The following THRAP3 variants were observed in gnomAD, a reference collection of about 807,000 sequenced individuals.
The protein encoded by THRAP3 is thyroid hormone receptor associated protein 3, also known as thyroid hormone receptor-associated protein 3.
THRAP3 carries 16 observed loss-of-function variants against 101.0 expected under a neutral mutation model. That is an observed-to-expected ratio of 0.16 (90% CI 0.11 to 0.24). The LOEUF (loss-of-function observed/expected upper bound fraction) is 0.24, where lower values mean the gene tolerates loss of function less well. Among genes scored for constraint, THRAP3 ranks in the 10% least tolerant of loss-of-function variants. The pLI is 1.00. For synonymous variants in THRAP3, 407 were observed against 422.6 expected (o/e 0.96, Z 0.45); for missense variants, 989 against 1,202.7 (o/e 0.82, Z 2.63).
At chr1:36,256,868 T>C (rs1645382709) in intron 1 of THRAP3, among the ~76,000 whole-genome samples, 1 of 151,956 alleles carries the variant, frequency 6.6e-6, no homozygotes, top group Admixed American at 6.6e-5. Context: ...CGATCTCGGC[T>C]CACCACAACC....
chr1:36,221,438 G>A (rs1323191071), upstream of THRAP3, among the ~76,000 whole-genome samples: 1 of 151,972 alleles, frequency 6.6e-6, no homozygotes, highest in Non-Finnish European at 1.5e-5. Flanking sequence ...AGAGTAAATG[G>A]ATGGGGCAAA....
At chr1:36,228,087 C>T (rs1248943926) in intron 1 of THRAP3, among the ~76,000 whole-genome samples, 2 of 146,480 alleles carry the variant, frequency 1.4e-5, no homozygotes, top group Non-Finnish European at 3.0e-5. Context: ...TCCTCTGTTG[C>T]CCAGGCTGGA....
chr1:36,244,903 G>A (rs1473786313), intron 1 of THRAP3, among the ~76,000 whole-genome samples: 1 of 152,014 alleles, frequency 6.6e-6, no homozygotes, highest in Non-Finnish European at 1.5e-5. Flanking sequence ...TGTATTTTTA[G>A]TAGAGACGGG....
At position 36,296,882 on chromosome 1, in the gene THRAP3, A is replaced by G. The variant is rs1195292163; in HGVS notation, c.2303+112A>G. The G allele has an allele frequency of 8.9e-6, 7 of 790,052 alleles. No individual in the cohort carries two copies. The East Asian group carries it at 2.1e-4, about 24-fold the overall frequency. 48.9% of individuals were successfully genotyped at this position (790,052 alleles called of 1,614,324 possible). A position where few individuals can be genotyped will look rare whatever the true frequency, so the allele number is the denominator to read the frequency against. On this transcript the variant is annotated intron_variant, in intron 9 of 11. Coordinates refer to ENST00000354618, the MANE Select transcript of THRAP3 (RefSeq NM_005119.4). Reference sequence around the variant, plus strand: ...GAGTTTAGGGTTAGTAATTATAGCAACCTGTTTCTTCTTTTAATCCATGTA... The same window carrying G: ...GAGTTTAGGGTTAGTAATTATAGCAGCCTGTTTCTTCTTTTAATCCATGTA...
rs189637160 is a variant in THRAP3, at chr1:36,263,086, A to C, written c.-32+3602A>C. Among the ~76,000 whole-genome samples, 281 of 145,582 alleles carry C rather than the reference A, an allele frequency of 1.9e-3. 12 individuals are homozygous for C. The East Asian group carries it at 0.049, about 25-fold the overall frequency. ...TGGCCTCCCAAAGTGTTGGGATTAC[A>C]GGCGTGAGCCACTGCACCCGGCCTA... On this transcript the variant is annotated intron_variant, in intron 2 of 11. Transcript: ENST00000354618.
chr1:36,297,635 G>T (rs903724105), intron 9 of THRAP3, among the ~76,000 whole-genome samples: 1 of 151,338 alleles, frequency 6.6e-6, no homozygotes, highest in African/African-American at 2.4e-5. Flanking sequence ...TTTAGAGATG[G>T]AGTTTCACCA....
chr1:36,257,520 G>GT (rs1387285456), intron 1 of THRAP3, among the ~76,000 whole-genome samples: 6 of 152,196 alleles, frequency 3.9e-5, no homozygotes, highest in African/African-American at 1.4e-4. Flanking sequence ...AGGCTGACAA[G>GT]TATGCCTGTG....
chr1:36,231,626 A>C (rs937750034), intron 1 of THRAP3, among the ~76,000 whole-genome samples: 2 of 142,892 alleles, frequency 1.4e-5, no homozygotes, highest in African/African-American at 6.1e-5. Context: ...GAGGTTAACA[A>C]CTCAATTTCC....
At chr1:36,211,649 G>A in the THRAP3 span, among the ~76,000 whole-genome samples, 1 of 152,166 alleles carries the variant, frequency 6.6e-6, no homozygotes. Flanking sequence ...ACTGGTGAGG[G>A]AGTAACCATT....
chr1:36,291,265 AAAG>A lies in THRAP3; in HGVS notation c.1746-105_1746-103del, dbSNP rs780407475. 282 of 1,188,944 alleles carry A rather than the reference AAAG, an allele frequency of 2.4e-4. No individual in the cohort carries two copies. In the East Asian group the frequency reaches 4.8e-3, roughly 20 times the overall value. 73.6% of individuals were successfully genotyped at this position (1,188,944 alleles called of 1,614,324 possible). On this transcript the variant is annotated intron_variant, in intron 5 of 11. Transcript: ENST00000354618. Reference sequence around the variant, plus strand: ...GTTACTTTCAACTTCGGTAGGAAGAAAAGAAGTTTATAGATAGATTTAAAACTC... The same window carrying A: ...GTTACTTTCAACTTCGGTAGGAAGAAAAGTTTATAGATAGATTTAAAACTC...
At chr1:36,217,838 C>T in the THRAP3 span, among the ~76,000 whole-genome samples, 1 of 152,146 alleles carries the variant, frequency 6.6e-6, no homozygotes, top group Admixed American at 6.6e-5. Flanking sequence ...TTCCCTGTTT[C>T]TCTCCTTCTC....
chr1:36,251,812 A>G (rs1188354798), intron 1 of THRAP3, among the ~76,000 whole-genome samples: 2 of 152,238 alleles, frequency 1.3e-5, no homozygotes, highest in African/African-American at 2.4e-5. Context: ...TCGGTGTTCA[A>G]CAACACTGTG....
chr1:36,223,087 A>G (rs2124303815), upstream of THRAP3, among the ~76,000 whole-genome samples: 1 of 152,324 alleles, frequency 6.6e-6, no homozygotes, highest in South Asian at 2.1e-4. Flanking sequence ...AAATCGCACC[A>G]CTGCCCTCCA....
intron 4 of THRAP3, chr1:36,287,627 C>T: frequency 1.0e-6 from 1 of 985,378 alleles, no homozygotes; most frequent in Non-Finnish European, 1.2e-6. Flanking sequence ...GCCATTGGAG[C>T]TCTTAGACCC....
chr1:36,247,794 C>T (rs1645248667), intron 1 of THRAP3, among the ~76,000 whole-genome samples: 1 of 151,606 alleles, frequency 6.6e-6, no homozygotes, highest in Non-Finnish European at 1.5e-5. Context: ...TTATTATTTA[C>T]TGCACTTACC....
Position 36,291,553 on chromosome 1 carries a change from C to G in THRAP3, c.1918+7C>G. On this transcript the variant is annotated splice_region_variant and intron_variant, in intron 6 of 11. Transcript: ENST00000354618. Reference sequence around the variant, plus strand: ...ATTGTTCACCATGTTAAAGGTGAGTCCAGACCCTGGCCTGCTTCAGGCTCG... The same window carrying G: ...ATTGTTCACCATGTTAAAGGTGAGTGCAGACCCTGGCCTGCTTCAGGCTCG... 1.2e-6 allele frequency: 2 copies of G among 1,613,252 alleles called. No individual in the cohort carries two copies. Among genetic ancestry groups the G allele is most frequent in the Non-Finnish European group, 1.7e-6 (2 of 1,179,288 alleles).
At chr1:36,287,685 G>T (rs1267198660) in intron 4 of THRAP3, 13 of 985,296 alleles carry the variant, frequency 1.3e-5, no homozygotes, top group Non-Finnish European at 1.6e-5. Flanking sequence ...GCCTATCATG[G>T]TGAAGAGCTG....
At chr1:36,246,155 T>A (rs1645228429) in intron 1 of THRAP3, among the ~76,000 whole-genome samples, 2 of 152,152 alleles carry the variant, frequency 1.3e-5, no homozygotes. Flanking sequence ...TCTTTGTCCA[T>A]TTTTTCATGG....
rs1465883734 is a variant in THRAP3 at position 36,303,876 on chromosome 1, C to T, written c.2727C>T (p.Gly909=). 3.7e-6 allele frequency: 6 copies of T among 1,613,712 alleles called. No individual in the cohort carries two copies. The highest frequency in any genetic ancestry group is 1.7e-6 in the Non-Finnish European group (2 of 1,179,912). ...RGRGAFPRGR[G]RFMFRKSSTS... ...GAGGAGCCTTTCCTCGGGGTCGGGGCCGGTTCATGTTCCGGAAATCAAGTA... is the reference window on the plus strand; with the variant it reads ...GAGGAGCCTTTCCTCGGGGTCGGGGTCGGTTCATGTTCCGGAAATCAAGTA... The change falls in exon 12 of 12, where the codon GGC becomes GGT. Residue 909 remains glycine (G), a synonymous_variant. Coordinates refer to ENST00000354618, the MANE Select transcript of THRAP3 (RefSeq NM_005119.4).
Sources: allele counts gnomAD v4.1 joint callset (sites outside exome capture counted in the v4.1 genomes callset), GRCh38; gene constraint gnomAD v4.1.1; transcripts MANE v1.5; gene names NCBI Gene and HGNC (gene_info 2026-07-23, HGNC 2026-07-21).